The following USP37 variants were observed in gnomAD, a reference collection of about 807,000 sequenced individuals.
The protein encoded by USP37 is ubiquitin carboxyl-terminal hydrolase 37.
USP37 carries 27 observed loss-of-function variants against 124.0 expected under a neutral mutation model. The ratio of observed to expected loss-of-function variants is 0.22; its 90% CI spans 0.16 to 0.30. The LOEUF is 0.30. USP37 is among the 10% of genes least tolerant of loss of function. USP37 has a pLI of 1.00. For synonymous variants in USP37, 365 were observed against 388.0 expected (o/e 0.94, Z 0.70); for missense variants, 889 against 1,140.4 (o/e 0.78, Z 3.17).
At chr2:218,564,306 G>A (rs1046526172) in intron 1 of USP37, among the ~76,000 whole-genome samples, 8 of 152,122 alleles carry the variant, frequency 5.3e-5, no homozygotes, top group African/African-American at 9.7e-5. Flanking sequence ...TGCCATACAT[G>A]CATTATCTCA....
At chr2:218,545,711 C>T (rs1451953062) in intron 8 of USP37, among the ~76,000 whole-genome samples, 1 of 151,922 alleles carries the variant, frequency 6.6e-6, no homozygotes, top group African/African-American at 2.4e-5. Context: ...AAAATGAGGA[C>T]GATGATTACG....
chr2:218,529,783 A>G (rs1407069641), intron 10 of USP37, among the ~76,000 whole-genome samples, 173 bp downstream of exon 10: 2 of 152,188 alleles, frequency 1.3e-5, no homozygotes, highest in African/African-American at 4.8e-5. Context: ...CACTGTGCTC[A>G]GCTCATTTCT....
At chr2:218,479,246 T>A (rs1691124290) in intron 18 of USP37, among the ~76,000 whole-genome samples, 1 of 152,172 alleles carries the variant, frequency 6.6e-6, no homozygotes. Flanking sequence ...CCAGACTGGC[T>A]AACAACAGGT....
chr2:218,544,406 A>AAAAAAAAAAAT (rs1312705279), intron 8 of USP37, among the ~76,000 whole-genome samples: 1 of 82,976 alleles, frequency 1.2e-5, no homozygotes, highest in African/African-American at 6.9e-5. Flanking sequence ...AAAAAAAAAA[A>AAAAAAAAAAAT]ATATATATAT....
Position 218,547,110 on chromosome 2 carries a change from A to T in USP37, c.430-19T>A. 2 of 1,578,344 alleles carry T rather than the reference A, an allele frequency of 1.3e-6. No homozygotes were observed. Among genetic ancestry groups the T allele is most frequent in the Non-Finnish European group, 1.7e-6 (2 of 1,168,392 alleles). On this transcript the variant is annotated intron_variant, in intron 6 of 25. Coordinates refer to ENST00000258399, the MANE Select transcript of USP37 (RefSeq NM_020935.3). ...CAGAAGCCTGTAAAAATAAAGTTTG[A>T]GATAGTTAAATCTTCAAATTAACTG...
intron 14 of USP37, among the ~76,000 whole-genome samples, chr2:218,491,335 A>G (rs1691933863): frequency 6.6e-6 from 1 of 152,202 alleles, no homozygotes; most frequent in East Asian, 1.9e-4. Flanking sequence ...TTAGGAAATG[A>G]GTGGTTCCAG....
At chr2:218,546,843 A>T in intron 7 of USP37, 76 bp downstream of exon 7, 1 of 1,494,296 alleles carries the variant, frequency 6.7e-7, no homozygotes, top group Non-Finnish European at 9.1e-7. Context: ...ATTTCTCCTC[A>T]AATTACTGGT....
chr2:218,558,711 G>A, intron 3 of USP37, 34 bp from the exon 4 acceptor site: 1 of 1,480,486 alleles, frequency 6.8e-7, no homozygotes, highest in South Asian at 1.3e-5. Context: ...CCTTTACCTG[G>A]CAGGTTCTAA....
At chr2:218,468,813 C>A (rs1359455709) in intron 20 of USP37, among the ~76,000 whole-genome samples, 1 of 152,152 alleles carries the variant, frequency 6.6e-6, no homozygotes, top group African/African-American at 2.4e-5. Flanking sequence ...TATGCCTCAG[C>A]CTCCCAAGTA....
chr2:218,547,321 C>A (rs1427944594), intron 6 of USP37, among the ~76,000 whole-genome samples: 3 of 152,012 alleles, frequency 2.0e-5, no homozygotes, highest in Non-Finnish European at 4.4e-5. Flanking sequence ...AGAGCAAGAC[C>A]CTATCTCTAA....
chr2:218,457,426 T>G (rs1471203894), intron 23 of USP37, among the ~76,000 whole-genome samples: 3 of 152,182 alleles, frequency 2.0e-5, no homozygotes, highest in Non-Finnish European at 4.4e-5. Flanking sequence ...ACCAACAATA[T>G]ATCCAATAAT....
intron 11 of USP37, among the ~76,000 whole-genome samples, chr2:218,505,752 A>G (rs1188936458): frequency 2.0e-5 from 3 of 152,180 alleles, no homozygotes; most frequent in Non-Finnish European, 2.9e-5. Context: ...TTGTACTAAG[A>G]TATGTCTTGA....
At chr2:218,542,683 T>C (rs1010651285) in intron 8 of USP37, among the ~76,000 whole-genome samples, 4 of 152,206 alleles carry the variant, frequency 2.6e-5, no homozygotes, top group Non-Finnish European at 2.9e-5. Context: ...AGCTTCATGA[T>C]AGAATAGCTG....
At chr2:218,547,913 C>A (rs1386434894) in intron 6 of USP37, among the ~76,000 whole-genome samples, 1 of 152,166 alleles carries the variant, frequency 6.6e-6, no homozygotes, top group Non-Finnish European at 1.5e-5. Flanking sequence ...TACAGCTTTA[C>A]ATGAACACTC....
rs536617390 is a variant in USP37, at chr2:218,458,444, T to C, written c.2644-1283A>G. Among the ~76,000 whole-genome samples, 3 of 151,768 alleles carry C rather than the reference T, an allele frequency of 2.0e-5. No individual in the cohort carries two copies. The East Asian group carries it at 5.8e-4, about 29-fold the overall frequency. Reference sequence around the variant, plus strand: ...AAAATTAGCTGGGCATAGTGGCTCATGCCTGCAATCCCAGCTACTCAGGTG... The same window carrying C: ...AAAATTAGCTGGGCATAGTGGCTCACGCCTGCAATCCCAGCTACTCAGGTG... On this transcript the variant is annotated intron_variant, in intron 23 of 25. Coordinates refer to ENST00000258399, the MANE Select transcript of USP37 (RefSeq NM_020935.3).
rs1370118435 is a variant in USP37 at position 218,488,407 on chromosome 2, A to T, written c.1487T>A (p.Ile496Asn). Reference protein sequence around the residue: ...SIICKACGEIIPKREQFNDLS... With the variant: ...SIICKACGEINPKREQFNDLS... ...GTCATTAAACTGTTCTCTTTTGGGGATAATCTCTCCACATCTGTAAGAATA... is the reference window on the plus strand; with the variant it reads ...GTCATTAAACTGTTCTCTTTTGGGGTTAATCTCTCCACATCTGTAAGAATA... The change falls in exon 15 of 26, where the codon ATC becomes AAC. Residue 496 changes from isoleucine to asparagine, a missense_variant. Coordinates refer to ENST00000258399, the MANE Select transcript of USP37 (RefSeq NM_020935.3). The T allele has an allele frequency of 6.2e-7, 1 of 1,603,588 alleles. No homozygotes were observed. Among genetic ancestry groups the T allele is most frequent in the Non-Finnish European group, 8.5e-7 (1 of 1,175,432 alleles).
Position 218,467,315 on chromosome 2 carries a change from A to ATC in USP37, c.2300-1140_2300-1139insGA, listed in dbSNP as rs141482341. Among the ~76,000 whole-genome samples, 10 of 141,732 alleles carry ATC rather than the reference A, an allele frequency of 7.1e-5. No homozygotes were observed. The East Asian group carries it at 1.7e-3, about 24-fold the overall frequency. 93.0% of individuals were successfully genotyped at this position (141,732 alleles called of 152,430 possible). On this transcript the variant is annotated intron_variant, in intron 20 of 25. Transcript: ENST00000258399. Reference sequence around the variant, plus strand: ...GCCCGCCACCATGCCCAGCTAATCTATATCTATCTATCTATCTATCTATCT... The same window carrying ATC: ...GCCCGCCACCATGCCCAGCTAATCTATCTATCTATCTATCTATCTATCTATCT...
At chr2:218,517,559 G>C (rs1690366661) in intron 10 of USP37, among the ~76,000 whole-genome samples, 2 of 152,040 alleles carry the variant, frequency 1.3e-5, no homozygotes, top group Non-Finnish European at 2.9e-5. Context: ...GATATTTCTG[G>C]CTTCTACAAT....
chr2:218,535,809 C>T (rs577447435), intron 8 of USP37, among the ~76,000 whole-genome samples: 53 of 151,052 alleles, frequency 3.5e-4, no homozygotes, highest in Non-Finnish European at 4.3e-4. Context: ...GAGCCAAGAT[C>T]GCGCCACTGC....
Sources: gnomAD v4.1 joint callset for allele counts (sites outside exome capture counted in the v4.1 genomes callset) on GRCh38, gnomAD v4.1.1 for gene constraint, MANE v1.5 for transcripts, NCBI Gene and HGNC (gene_info 2026-07-23, HGNC 2026-07-21) for gene names.